Variants in SPMAP2 observed in about 807,000 individuals in gnomAD.
SPMAP2 encodes the protein sperm microtubule associated protein 2, also known as Theg homolog.
the SPMAP2 span, chr19:366,972 G>C: frequency 7.4e-7 from 1 of 1,351,370 alleles, no homozygotes; most frequent in South Asian, 1.4e-5. Context: ...ATGGGGGAGA[G>C]CTTCCCTCTG....
the SPMAP2 span, chr19:375,540 C>T: frequency 2.9e-5 from 32 of 1,097,266 alleles, no homozygotes; most frequent in Admixed American, 3.8e-4. Context: ...TCGGGAGCAG[C>T]GAGCCAGGCC....
the SPMAP2 span, among the ~76,000 whole-genome samples, chr19:370,508 A>ATTT: frequency 8.5e-5 from 12 of 141,412 alleles, no homozygotes; most frequent in African/African-American, 1.6e-4. Context: ...CCCCCGGCTA[A>ATTT]TTTTTTTTTT....
chr19:373,403 G>A, the SPMAP2 span: 1 of 1,489,006 alleles, frequency 6.7e-7, no homozygotes, highest in South Asian at 1.1e-5. Context: ...TCTAGATGGG[G>A]CGGGGCAGGT....
chr19:373,297 C>A, the SPMAP2 span, among the ~76,000 whole-genome samples: 5 of 152,192 alleles, frequency 3.3e-5, no homozygotes, highest in Non-Finnish European at 5.9e-5. Flanking sequence ...ATGCCCCTCA[C>A]CCCCAGGACC....
the SPMAP2 span, chr19:375,887 G>C: frequency 6.4e-7 from 1 of 1,555,630 alleles, no homozygotes; most frequent in East Asian, 2.4e-5. Flanking sequence ...GGCCACGGGG[G>C]TCGCCGTCCT....
chr19:374,696 A>G, the SPMAP2 span: 2 of 506,168 alleles, frequency 4.0e-6, no homozygotes, highest in Non-Finnish European at 7.1e-6. Flanking sequence ...AGGTGAGACC[A>G]GCTCCCACCT....
At chr19:375,946 G>A in the SPMAP2 span, 1 of 1,444,114 alleles carries the variant, frequency 6.9e-7, no homozygotes, top group Non-Finnish European at 9.1e-7. Flanking sequence ...TGGTTCCCGA[G>A]TGACCTTCGC....
chr19:363,888 C>T, the SPMAP2 span, among the ~76,000 whole-genome samples: 595 of 152,064 alleles, frequency 3.9e-3, 7 homozygotes, highest in East Asian at 0.026. Flanking sequence ...GGCTGGAGCA[C>T]GATCTTTAGC....
the SPMAP2 span, among the ~76,000 whole-genome samples, chr19:364,468 C>A: frequency 6.6e-6 from 1 of 151,912 alleles, no homozygotes; most frequent in Non-Finnish European, 1.5e-5. Context: ...TCACCTGAGC[C>A]CTAGAGTTTT....
chr19:373,460 C>T, the SPMAP2 span: 24 of 1,612,816 alleles, frequency 1.5e-5, no homozygotes, highest in Admixed American at 3.7e-4. Flanking sequence ...CAGGCACGGG[C>T]TCCACCTACC....
chr19:362,185 C>T, the SPMAP2 span: 2 of 1,462,210 alleles, frequency 1.4e-6, no homozygotes, highest in Admixed American at 4.8e-5. Flanking sequence ...AGGGTGTTTA[C>T]TGGGAGCGGA....
At chr19:362,926 G>A in the SPMAP2 span, among the ~76,000 whole-genome samples, 2 of 152,156 alleles carry the variant, frequency 1.3e-5, no homozygotes, top group South Asian at 4.1e-4. Flanking sequence ...TGAGCCTTGA[G>A]GACAGCATGT....
At chr19:371,399 T>G in the SPMAP2 span, 1 of 612,012 alleles carries the variant, frequency 1.6e-6, no homozygotes, top group Non-Finnish European at 2.7e-6. Context: ...TGTGTGTGTG[T>G]GTGTGTATGT....
chr19:368,352 C>T, the SPMAP2 span, among the ~76,000 whole-genome samples: 1 of 152,142 alleles, frequency 6.6e-6, no homozygotes. The surrounding 1 kb of genome is among the most constrained non-coding windows in gnomAD (Gnocchi z 4.1). Context: ...ACCAGGCTTG[C>T]TCCCGTACAC....
the SPMAP2 span, among the ~76,000 whole-genome samples, chr19:375,076 C>A: frequency 6.6e-6 from 1 of 152,136 alleles, no homozygotes; most frequent in African/African-American, 2.4e-5. Context: ...GCAGGTCGGG[C>A]ACGTGCAGGG....
chr19:368,810 C>G, the SPMAP2 span, among the ~76,000 whole-genome samples: 1 of 152,238 alleles, frequency 6.6e-6, no homozygotes, highest in Non-Finnish European at 1.5e-5. The surrounding 1 kb of genome is among the most constrained non-coding windows in gnomAD (Gnocchi z 4.1). Context: ...CTGGCTCCCT[C>G]CAGCCTCCTC....
chr19:363,691 G>A, the SPMAP2 span, among the ~76,000 whole-genome samples: 1 of 146,486 alleles, frequency 6.8e-6, no homozygotes, highest in African/African-American at 2.5e-5. Flanking sequence ...CCGCCACCAC[G>A]CCCGACTAAT....
chr19:362,766 A>T, the SPMAP2 span, among the ~76,000 whole-genome samples: 2 of 67,668 alleles, frequency 3.0e-5, no homozygotes, highest in Admixed American at 2.4e-4. Context: ...ACTCCATCTT[A>T]AAAAAAAAAA....
the SPMAP2 span, chr19:374,201 G>A: frequency 7.7e-6 from 12 of 1,556,530 alleles, no homozygotes; most frequent in South Asian, 1.2e-5. Flanking sequence ...GCAGCTGGGG[G>A]AGGGGAGCCG....
Sources: allele counts gnomAD v4.1 joint callset (sites outside exome capture counted in the v4.1 genomes callset), GRCh38; gene constraint gnomAD v4.1.1; non-coding constraint Gnocchi (gnomAD v3.1); transcripts MANE v1.5; gene names NCBI Gene and HGNC (gene_info 2026-07-23, HGNC 2026-07-21).